FAM120B: variants seen among roughly 807,000 people sequenced by gnomAD.
The protein encoded by FAM120B is family with sequence similarity 120 member B.
In FAM120B, 83 loss-of-function variants were observed where a neutral mutation model predicts 96.3. That is an observed-to-expected ratio of 0.86 (90% confidence interval 0.72 to 1.03). FAM120B has a LOEUF of 1.03. Ranked by LOEUF, FAM120B falls within the 50% of genes least tolerant of loss-of-function variation. The probability of loss-of-function intolerance (pLI) is 0.00; values close to 1 mark genes in which losing one functional copy is unlikely to be tolerated. For missense variants in FAM120B, 1,027 were observed against 1,121.2 expected, an observed-to-expected ratio of 0.92 and a Z score of 1.20; for synonymous variants, 407 against 402.7, an observed-to-expected ratio of 1.01 and a Z score of -0.13.
intron 6 of FAM120B, among the ~76,000 whole-genome samples, chr6:170,375,085 G>A (rs1789427779): frequency 6.6e-6 from 1 of 152,220 alleles, no homozygotes; most frequent in Admixed American, 6.5e-5. Context: ...AGAGAGCTGG[G>A]GCTTCCAGTT....
At chr6:170,337,449 A>C (rs765133720) in intron 4 of FAM120B, among the ~76,000 whole-genome samples, 1 of 151,886 alleles carries the variant, frequency 6.6e-6, no homozygotes, top group Non-Finnish European at 1.5e-5. Context: ...TTTATTGAGG[A>C]TTTTCGCATC....
chr6:170,377,227 C>T (rs1263452341), intron 6 of FAM120B, among the ~76,000 whole-genome samples: 2 of 106,452 alleles, frequency 1.9e-5, no homozygotes, highest in Non-Finnish European at 3.6e-5. Flanking sequence ...TGTGCACACG[C>T]GTCCCTAATC....
chr6:170,318,133 C>T lies in FAM120B; in HGVS notation c.743C>T (p.Ser248Leu), dbSNP rs371317200. 30 of 1,614,054 alleles carry T rather than the reference C, an allele frequency of 1.9e-5. No homozygotes were observed. Among genetic ancestry groups the T allele is most frequent in the African/African-American group, 8.0e-5 (6 of 74,904 alleles). Residue 248 changes from serine to leucine, a missense_variant, in exon 2 of 11, where the codon TCG (serine) becomes TTG (leucine). This residue lies in a region of FAM120B where 880 missense variants were observed against 980.9 expected (regional missense o/e 0.90). Transcript: ENST00000476287. ...MFESFRYKCL[S>L]SYTSVKENFD... Reference sequence around the variant, plus strand: ...GAAAGCTTTAGGTACAAATGCTTATCGTCCTACACCTCTGTAAAAGAGAAC... The same window carrying T: ...GAAAGCTTTAGGTACAAATGCTTATTGTCCTACACCTCTGTAAAAGAGAAC...
At chr6:170,378,472 C>A (rs73038650) in intron 6 of FAM120B, among the ~76,000 whole-genome samples, 15,901 of 152,236 alleles carry the variant, frequency 0.1, 1,039 homozygotes, top group East Asian at 0.2. Flanking sequence ...AGTAAAGTTT[C>A]TTGTCAGTTC....
rs759057122 is a variant in FAM120B at position 170,318,294 on chromosome 6, G to A, written c.904G>A (p.Ala302Thr). The stretch of plus-strand genomic sequence containing the variant: ...CAAAGCTCTTTTTTATAAAGGAATG[G>A]CATCATATCTTTTACCAGGACAAAA... ...PNKALFYKGM[A>T]SYLLPGQKSP... The change falls in exon 2 of 11, where the codon GCA becomes ACA. Residue 302 changes from alanine (A) to threonine (T), a missense_variant. Transcript: ENST00000476287. The A allele has an allele frequency of 6.2e-7, 1 of 1,614,090 alleles. No individual in the cohort carries two copies. Among genetic ancestry groups the A allele is most frequent in the South Asian group, 1.1e-5 (1 of 91,084 alleles).
In FAM120B at chr6:170,318,932, T is replaced by C. The variant is rs750142607; in HGVS notation, c.1542T>C (p.Pro514=). The C allele has an allele frequency of 6.2e-7, 1 of 1,614,206 alleles. No homozygotes were observed. Among genetic ancestry groups the C allele is most frequent in the South Asian group, 1.1e-5 (1 of 91,088 alleles). The part of the protein sequence containing the change: ...SKQEVPICTD[P]ISKQEDSMCT... Reference sequence around the variant, plus strand: ...AGGAAGTTCCCATATGTACAGATCCTATATCCAAGCAAGAAGACTCCATGT... The same window carrying C: ...AGGAAGTTCCCATATGTACAGATCCCATATCCAAGCAAGAAGACTCCATGT... The change falls in exon 2 of 11, where the codon CCT becomes CCC. Residue 514 remains proline (P), a synonymous_variant. Coordinates refer to ENST00000476287, the MANE Select transcript of FAM120B (RefSeq NM_032448.3).
intron 2 of FAM120B, 40 bp from the exon 3 acceptor site, chr6:170,323,039 T>A (rs1418341121): frequency 6.4e-7 from 1 of 1,555,060 alleles, no homozygotes; most frequent in South Asian, 1.2e-5. Context: ...TACTATCCTG[T>A]TTTTAAGGAG....
At chr6:170,365,278 T>C (rs9366215) in intron 6 of FAM120B, among the ~76,000 whole-genome samples, 52,483 of 152,144 alleles carry the variant, frequency 0.34, 10,735 homozygotes, top group East Asian at 0.9. Flanking sequence ...TGTCTGAACA[T>C]GGAGGACGAG....
intron 3 of FAM120B, among the ~76,000 whole-genome samples, chr6:170,327,546 C>A (rs564589696): frequency 1.3e-5 from 2 of 151,742 alleles, no homozygotes; most frequent in African/African-American, 2.4e-5. Flanking sequence ...GAGGCTGCTC[C>A]GGTGAGTCCA....
Position 170,395,562 on chromosome 6 carries a change from G to T in FAM120B, c.2675G>T (p.Trp892Leu). Residue 892 changes from tryptophan to leucine, a missense_variant, in exon 9 of 11, where the codon TGG becomes TTG. Transcript: ENST00000476287. ...AGCCGTTCCAGTCAGGGACAGCCGT[G>T]GAGAGACCAGGGACCAGGTAAGAAG... ...GYSRSSQGQPWRDQGPGSRQY... is the reference protein window; with the variant it reads ...GYSRSSQGQPLRDQGPGSRQY... 6.3e-7 allele frequency: 1 copy of T among 1,594,150 alleles called. No individual in the cohort carries two copies. Among genetic ancestry groups the T allele is most frequent in the Non-Finnish European group, 8.5e-7 (1 of 1,170,344 alleles).
At position 170,348,296 on chromosome 6, in the gene FAM120B, C is replaced by T. The variant is rs572823693; in HGVS notation, c.2163C>T (p.Cys721=). ...QAVESPFQAL[C]CLLIYLFVQV... is the part of the protein sequence containing the mutation. ...TCGAAAGCCCATTTCAAGCTTTGTG[C>T]TGCCTCTTGATCTACCTCTTTGTCC... Residue 721 remains cysteine, a synonymous_variant, in exon 5 of 11, where the codon TGC becomes TGT. Transcript: ENST00000476287. 6 of 1,613,420 alleles carry T rather than the reference C, an allele frequency of 3.7e-6. No homozygotes were observed. The Admixed American group carries it at 8.3e-5, about 22-fold the overall frequency.
chr6:170,308,291 G>C (rs1257897025), intron 1 of FAM120B, among the ~76,000 whole-genome samples: 1 of 152,062 alleles, frequency 6.6e-6, no homozygotes, highest in African/African-American at 2.4e-5. Flanking sequence ...CAACACCATA[G>C]CTGGGTCGGG....
At chr6:170,297,065 C>T (rs990617786) in intron 1 of FAM120B, among the ~76,000 whole-genome samples, 8 of 152,170 alleles carry the variant, frequency 5.3e-5, no homozygotes, top group African/African-American at 1.7e-4. Context: ...GCTTCAAGGC[C>T]CAGAGCTCAG....
At position 170,318,634 on chromosome 6, in the gene FAM120B, T is replaced by C. The variant is rs945097938; in HGVS notation, c.1244T>C (p.Met415Thr). Residue 415 changes from methionine (M) to threonine (T), a missense_variant, in exon 2 of 11, where the codon ATG (methionine) becomes ACG (threonine). By Grantham distance (81) the Met-to-Thr change is moderately conservative. Around this residue, in one of 3 missense-constraint regions of FAM120B, gnomAD observed 880 missense variants for 980.9 expected, o/e 0.90. Transcript: ENST00000476287. ...CCTGAACCCAGGCAAGAAGTTCCCA[T>C]GTGTACAGGCCCTGAAGCCAGGCAA... ...SDPEPRQEVP[M>T]CTGPEARQEV... is the part of the protein sequence containing the mutation. 1.3e-6 allele frequency: 2 copies of C among 1,597,412 alleles called. No homozygotes were observed. Among genetic ancestry groups the C allele is most frequent in the African/African-American group, 1.3e-5 (1 of 74,738 alleles).
At chr6:170,325,601 G>A (rs9348267) in intron 3 of FAM120B, among the ~76,000 whole-genome samples, 19,606 of 151,840 alleles carry the variant, frequency 0.13, 1,444 homozygotes, top group East Asian at 0.31. Context: ...AGCACTTTGG[G>A]AGGCCGAGGC....
At chr6:170,360,742 G>C (rs2115193566) in intron 6 of FAM120B, among the ~76,000 whole-genome samples, 1 of 152,266 alleles carries the variant, frequency 6.6e-6, no homozygotes, top group Non-Finnish European at 1.5e-5. Flanking sequence ...TTAGGAAAAT[G>C]CTTCCACAAG....
Position 170,381,832 on chromosome 6 carries a change from A to G in FAM120B, c.2284-6455A>G, listed in dbSNP as rs1789922512. 2.0e-5 allele frequency among the ~76,000 whole-genome samples: 3 copies of G among 152,112 alleles called. No individual in the cohort carries two copies. The South Asian group carries it at 6.2e-4, about 32-fold the overall frequency. ...AAAAAAAAAAAAAACTTTCAGAAAAATGATAATGGAGGAGATCTTTCTCAA... is the reference window on the plus strand; with the variant it reads ...AAAAAAAAAAAAAACTTTCAGAAAAGTGATAATGGAGGAGATCTTTCTCAA... On this transcript the variant is annotated intron_variant, in intron 6 of 10. Transcript: ENST00000476287.
At chr6:170,397,050 G>A (rs980021322) in intron 9 of FAM120B, among the ~76,000 whole-genome samples, 1 of 152,252 alleles carries the variant, frequency 6.6e-6, no homozygotes, top group Admixed American at 6.5e-5. Flanking sequence ...GGTCGTGTGT[G>A]TGTAGAGAGC....
chr6:170,378,503 T>TAA (rs147369772), intron 6 of FAM120B, among the ~76,000 whole-genome samples: 1 of 152,150 alleles, frequency 6.6e-6, no homozygotes, highest in African/African-American at 2.4e-5. Context: ...TTGAAAACAG[T>TAA]AAAAAAATAC....
Sources: allele counts gnomAD v4.1 joint callset (sites outside exome capture counted in the v4.1 genomes callset), GRCh38; gene constraint gnomAD v4.1.1; regional missense constraint gnomAD v4.1.1; transcripts MANE v1.5; gene names NCBI Gene and HGNC (gene_info 2026-07-23, HGNC 2026-07-21).